Variants in FUZ observed in about 807,000 individuals in gnomAD.
The protein encoded by FUZ is protein fuzzy homolog.
A neutral mutation model predicts 43.1 loss-of-function variants in FUZ; 31 were observed. The ratio of observed to expected loss-of-function variants is 0.72; its 90% CI spans 0.54 to 0.97. The LOEUF (loss-of-function observed/expected upper bound fraction) is 0.97. Ranked by LOEUF, FUZ falls within the 50% of genes least tolerant of loss-of-function variation. The pLI, the probability that FUZ is intolerant of heterozygous loss-of-function variation, is 0.00. For missense variants in FUZ, 539 were observed against 543.8 expected (o/e 0.99, Z 0.09); for synonymous variants, 274 against 250.0 (o/e 1.10, Z -0.91).
chr19:49,809,714 C>T lies in FUZ; in HGVS notation c.493-139G>A. The T allele has an allele frequency of 7.7e-6, 6 of 782,606 alleles. No individual in the cohort carries two copies. In the South Asian group the frequency reaches 7.8e-5, roughly 10 times the overall value. The allele number at this position is 782,606 out of a possible 1,614,324, so 48.5% of individuals were successfully genotyped here. Reference sequence around the variant, plus strand: ...CAGTGGCCATGCTCCTACGTCTCACCCTCTCTGAGCCTGAGTTCCTTCACT... The same window carrying T: ...CAGTGGCCATGCTCCTACGTCTCACTCTCTCTGAGCCTGAGTTCCTTCACT... On this transcript the variant is annotated intron_variant, in intron 5 of 10. Transcript: ENST00000313777. This position sits in a 1 kb window ranked among gnomAD's most constrained non-coding sequence, Gnocchi z 5.1.
At position 49,807,281 on chromosome 19, in the gene FUZ, G is replaced by C. The variant is rs767825438; in HGVS notation, c.1127C>G (p.Thr376Arg). 6.2e-7 allele frequency: 1 copy of C among 1,613,466 alleles called. No homozygotes were observed. Among genetic ancestry groups the C allele is most frequent in the Non-Finnish European group, 8.5e-7 (1 of 1,179,948 alleles). Residue 376 changes from threonine to arginine, a missense_variant, in exon 11 of 11, where the codon ACA becomes AGA. By Grantham distance (71) the Thr-to-Arg change is moderately conservative (BLOSUM62 -1). Transcript: ENST00000313777. The stretch of plus-strand genomic sequence containing the variant: ...CTGCAAGGCCACCAGACGCACTCCT[G>C]TGCCTGGTTCCTCAGTCCCCAACAC... ...YLVLGTEEPGTGVRLVALQLG... is the reference protein window; with the variant it reads ...YLVLGTEEPGRGVRLVALQLG...
At chr19:49,808,665 G>C in intron 8 of FUZ, 27 bp from the exon 9 acceptor site, 4 of 1,610,936 alleles carry the variant, frequency 2.5e-6, no homozygotes, top group Non-Finnish European at 3.4e-6. Context: ...GGAATGTCAT[G>C]GCTGGGGAAG....
intron 10 of FUZ, 101 bp from the exon 11 acceptor site, chr19:49,807,475 AAC>A: frequency 7.9e-7 from 1 of 1,272,646 alleles, no homozygotes; most frequent in Non-Finnish European, 1.1e-6. Flanking sequence ...GGGGTCTCTG[AAC>A]ACAGGTTTTG....
rs532604554 is a variant in FUZ at position 49,808,689 on chromosome 19, C to T, written c.893+28G>A. On this transcript the variant is annotated intron_variant, in intron 8 of 10. Coordinates refer to ENST00000313777, the MANE Select transcript of FUZ (RefSeq NM_025129.5). ...TGGCTGGGGAAGAGGACATGACCCC[C>T]GACCCACTCCCTCCATCCGAGCCCT... 7 of 1,603,204 alleles carry T rather than the reference C, an allele frequency of 4.4e-6. No individual in the cohort carries two copies. In the African/African-American group the frequency reaches 8.0e-5, roughly 18 times the overall value.
At position 49,807,020 on chromosome 19, in the gene FUZ, T is replaced by TGGCCCC; in HGVS notation, c.*130_*131insGGGGCC. ...AGGGGCCAGGGAAGTGGATGTCTCC[T>TGGCCCC]CCCCTCCCACCCCACCCTGTTGTAG... On this transcript the variant is annotated 3_prime_UTR_variant, in exon 11 of 11. Transcript: ENST00000313777. 7.5e-7 allele frequency: 1 copy of TGGCCCC among 1,338,576 alleles called. No homozygotes were observed. Among genetic ancestry groups the TGGCCCC allele is most frequent in the Non-Finnish European group, 1.0e-6 (1 of 996,938 alleles). The allele number at this position is 1,338,576 out of a possible 1,614,324, so 82.9% of individuals were successfully genotyped here. A position where few individuals can be genotyped will look rare whatever the true frequency, so the allele number is the denominator to read the frequency against.
At position 49,809,937 on chromosome 19, in the gene FUZ, C is replaced by A; in HGVS notation, c.493-362G>T. 2.5e-6 allele frequency: 1 copy of A among 392,722 alleles called. No individual in the cohort carries two copies. The highest frequency in any genetic ancestry group is 4.8e-6 in the Non-Finnish European group (1 of 208,922). The allele number at this position is 392,722 out of a possible 1,614,324, so 24.3% of individuals were successfully genotyped here. On this transcript the variant is annotated intron_variant, in intron 5 of 10. Coordinates refer to ENST00000313777, the MANE Select transcript of FUZ (RefSeq NM_025129.5). This position sits in a 1 kb window ranked among gnomAD's most constrained non-coding sequence, Gnocchi z 5.1. ...TGCTGAGAGTCACATGCCTGGGAGG[C>A]CGCCACACCAGGCAAGTCCACAAGA...
rs2073801499 is a variant in FUZ, at chr19:49,811,706, G to C, written c.319-7C>G. The C allele has an allele frequency of 6.2e-7, 1 of 1,611,972 alleles. No homozygotes were observed. The highest frequency in any genetic ancestry group is 1.3e-5 in the African/African-American group (1 of 74,906). ...CAAGTCCCACAAGAAGGACCTAGAA[G>C]AATCATATAGGAGAGGATGGGCGAG... On this transcript the variant is annotated splice_region_variant and splice_polypyrimidine_tract_variant and intron_variant, in intron 3 of 10. Coordinates refer to ENST00000313777, the MANE Select transcript of FUZ (RefSeq NM_025129.5).
chr19:49,813,497 C>T (rs2286948), upstream of FUZ: 112,349 of 345,758 alleles, frequency 0.32, 20,428 homozygotes, highest in East Asian at 0.52. Context: ...ACATTCTAAA[C>T]GGAAAAAACA....
rs1286547935 is a variant in FUZ, at chr19:49,812,317, C to T, written c.252G>A (p.Leu84=). 3.7e-6 allele frequency: 6 copies of T among 1,614,002 alleles called. No homozygotes were observed. The highest frequency in any genetic ancestry group is 5.1e-6 in the Non-Finnish European group (6 of 1,179,946). The change falls in exon 3 of 11, where the codon CTG becomes CTA. Residue 84 remains leucine, a synonymous_variant. Transcript: ENST00000313777. ...SFHDSITLIV[L]SSEVGISELR... is the part of the protein sequence containing the mutation. The stretch of plus-strand genomic sequence containing the variant: ...GCTCAGAGATGCCCACCTCAGATGA[C>T]AGAACAATGAGGGTGATGCTGTGGA...
At chr19:49,812,211 A>G (rs776319254) in intron 3 of FUZ, 40 bp downstream of exon 3, 1 of 1,445,706 alleles carries the variant, frequency 6.9e-7, no homozygotes, top group Non-Finnish European at 9.7e-7. Flanking sequence ...GAGATCTCAG[A>G]TTCCTGGTCT....
intron 5 of FUZ, 161 bp downstream of exon 5, chr19:49,811,201 GA>G (rs55810357): frequency 0.47 from 268,881 of 573,994 alleles, 35,923 homozygotes; most frequent in Middle Eastern, 0.57. Flanking sequence ...AGAAAGAAAA[GA>G]AAAAAAAAAA....
At position 49,807,362 on chromosome 19, in the gene FUZ, G is replaced by C. The variant is rs780976516; in HGVS notation, c.1046C>G (p.Pro349Arg). 6.2e-7 allele frequency: 1 copy of C among 1,612,758 alleles called. No homozygotes were observed. Among genetic ancestry groups the C allele is most frequent in the Non-Finnish European group, 8.5e-7 (1 of 1,179,634 alleles). ...STHFPPEPGP[P>R]EKTEDEVYQA... is the part of the protein sequence containing the mutation. ...GTAGACCTCATCTTCTGTCTTCTCT[G>C]GTGGCCCTGGCTCTGGAGAAAGAAC... The change falls in exon 11 of 11, where the codon CCA becomes CGA. Residue 349 changes from proline to arginine, a missense_variant. Transcript: ENST00000313777.
At position 49,808,792 on chromosome 19, in the gene FUZ, T is replaced by TCCAGCAGTGGCTG; in HGVS notation, c.805_817dup (p.Asp273AlafsTer51). The TCCAGCAGTGGCTG allele has an allele frequency of 6.4e-7, 1 of 1,556,648 alleles. No homozygotes were observed. Among genetic ancestry groups the TCCAGCAGTGGCTG allele is most frequent in the Non-Finnish European group, 8.7e-7 (1 of 1,150,720 alleles). ...CAACGGCAGACAGGCCCGCAACGGGTCCAGCAGTGGCTGCCACCAGCGCTC... is the reference window on the plus strand; with the variant it reads ...CAACGGCAGACAGGCCCGCAACGGGTCCAGCAGTGGCTGCCAGCAGTGGCTGCCACCAGCGCTC... On this transcript the variant is annotated frameshift_variant, in exon 8 of 11. Coordinates refer to ENST00000313777, the MANE Select transcript of FUZ (RefSeq NM_025129.5). LOFTEE classifies it high-confidence loss of function.
intron 5 of FUZ, among the ~76,000 whole-genome samples, chr19:49,810,860 G>A (rs1189775700): frequency 6.6e-6 from 1 of 151,052 alleles, no homozygotes; most frequent in Non-Finnish European, 1.5e-5. Flanking sequence ...AGAAAAGAAA[G>A]AAAGATGGCC....
intron 3 of FUZ, 94 bp from the exon 4 acceptor site, chr19:49,811,793 C>G (rs2073808598): frequency 3.0e-6 from 3 of 1,015,128 alleles, no homozygotes; most frequent in Non-Finnish European, 4.7e-6. Context: ...ACTTCTGGGT[C>G]TGGGGACTGG....
chr19:49,809,385 C>T lies in FUZ; in HGVS notation c.683G>A (p.Ser228Asn). 6.5e-7 allele frequency: 1 copy of T among 1,544,442 alleles called. No individual in the cohort carries two copies. Among genetic ancestry groups the T allele is most frequent in the Non-Finnish European group, 8.7e-7 (1 of 1,146,782 alleles). ...RDYPVYLPHG[S>N]PTVPHRLLTL... Reference sequence around the variant, plus strand: ...TGCCCGCCACCCACTCACCGTGGGGCTCCCGTGCGGCAGGTACACCGGGTA... The same window carrying T: ...TGCCCGCCACCCACTCACCGTGGGGTTCCCGTGCGGCAGGTACACCGGGTA... Residue 228 changes from serine to asparagine, a missense_variant, in exon 6 of 11, where the codon AGC becomes AAC. Coordinates refer to ENST00000313777, the MANE Select transcript of FUZ (RefSeq NM_025129.5). The surrounding 1 kb of genome is among the most constrained non-coding windows in gnomAD (Gnocchi z 5.1).
intron 5 of FUZ, among the ~76,000 whole-genome samples, chr19:49,810,678 CAAAAAAAAAAAA>C (rs34752826): frequency 1.4e-4 from 13 of 90,538 alleles, no homozygotes; most frequent in Admixed American, 1.4e-3. Flanking sequence ...GACTCTGTCT[CAAAAAAAAAAAA>C]AAAAAAAAAA....
intron 2 of FUZ, 116 bp from the exon 3 acceptor site, chr19:49,812,451 C>T (rs775486295): frequency 7.6e-7 from 1 of 1,320,820 alleles, no homozygotes; most frequent in Non-Finnish European, 1.1e-6. Flanking sequence ...ACCAACCTGC[C>T]TTTCTTATAG....
rs553562265 is a variant in FUZ at position 49,811,784 on chromosome 19, C to T, written c.319-85G>A. 5.6e-5 allele frequency: 64 copies of T among 1,136,238 alleles called. 1 individual carries two copies. The South Asian group carries it at 7.9e-4, about 14-fold the overall frequency. 70.4% of individuals were successfully genotyped at this position (1,136,238 alleles called of 1,614,324 possible). A position where few individuals can be genotyped will look rare whatever the true frequency, so the allele number is the denominator to read the frequency against. Reference sequence around the variant, plus strand: ...AAGGAAGAGGGGGCTGGGACTCCCACTTCTGGGTCTGGGGACTGGGGAGTC... The same window carrying T: ...AAGGAAGAGGGGGCTGGGACTCCCATTTCTGGGTCTGGGGACTGGGGAGTC... On this transcript the variant is annotated intron_variant, in intron 3 of 10. Transcript: ENST00000313777.
Sources: allele counts gnomAD v4.1 joint callset (sites outside exome capture counted in the v4.1 genomes callset), GRCh38; gene constraint gnomAD v4.1.1; non-coding constraint Gnocchi (gnomAD v3.1); transcripts MANE v1.5; gene names NCBI Gene and HGNC (gene_info 2026-07-23, HGNC 2026-07-21).